The following GREB1L variants were observed in gnomAD, a reference collection of about 807,000 sequenced individuals.
GREB1L encodes GREB1-like protein.
In GREB1L, 17 loss-of-function variants were observed where a neutral mutation model predicts 200.8. The observed-to-expected ratio is 0.08, with a 90% CI of 0.06 to 0.13. The LOEUF is 0.13. Ranked by LOEUF, GREB1L falls within the 10% of genes least tolerant of loss-of-function variation. The pLI, the probability that GREB1L is intolerant of heterozygous loss-of-function variation, is 1.00. For synonymous variants in GREB1L, 789 were observed against 893.0 expected (o/e 0.88, Z 2.08); for missense variants, 1,657 against 2,367.7 (o/e 0.70, Z 6.23).
chr18:21,333,963 C>A (rs1221954083), intron 1 of GREB1L, among the ~76,000 whole-genome samples: 1 of 151,336 alleles, frequency 6.6e-6, no homozygotes, highest in Non-Finnish European at 1.5e-5. Context: ...GCCTTGGTGA[C>A]CGACTGACGA....
chr18:21,483,176 G>A (rs1340618034), intron 17 of GREB1L, among the ~76,000 whole-genome samples: 1 of 152,202 alleles, frequency 6.6e-6, no homozygotes, highest in Non-Finnish European at 1.5e-5. Context: ...ACAGGTGGAT[G>A]CAAGGCGGAT....
chr18:21,385,371 CT>C (rs60302271), intron 4 of GREB1L, among the ~76,000 whole-genome samples: 267 of 140,302 alleles, frequency 1.9e-3, no homozygotes, highest in Non-Finnish European at 2.0e-3. Flanking sequence ...TTTCTCTTGA[CT>C]TTTTTTTTTT....
At chr18:21,305,728 A>G (rs2038688525) in intron 1 of GREB1L, among the ~76,000 whole-genome samples, 1 of 152,136 alleles carries the variant, frequency 6.6e-6, no homozygotes, top group Non-Finnish European at 1.5e-5. Context: ...CAAAATCTAA[A>G]TTCTTTGCCC....
chr18:21,520,614 G>C, intron 31 of GREB1L, 74 bp from the exon 32 acceptor site: 1 of 1,457,360 alleles, frequency 6.9e-7, no homozygotes, highest in Non-Finnish European at 9.4e-7. Flanking sequence ...GGAAGGTACT[G>C]AGTCATTCTG....
chr18:21,393,173 G>C (rs1247935305), intron 4 of GREB1L, among the ~76,000 whole-genome samples: 1 of 152,180 alleles, frequency 6.6e-6, no homozygotes, highest in Non-Finnish European at 1.5e-5. Flanking sequence ...AACATGAATT[G>C]ATGCTAGGAG....
intron 17 of GREB1L, 59 bp downstream of exon 17, chr18:21,477,415 G>A: frequency 7.8e-7 from 1 of 1,290,010 alleles, no homozygotes; most frequent in Non-Finnish European, 1.0e-6. Context: ...AAGAGGGTAG[G>A]ACCTTGTAAC....
At chr18:21,396,842 AAG>A (rs1184737635) in intron 5 of GREB1L, among the ~76,000 whole-genome samples, 1 of 152,204 alleles carries the variant, frequency 6.6e-6, no homozygotes, top group East Asian at 1.9e-4. Flanking sequence ...TTAAAAAGAT[AAG>A]AGAGCACATG....
intron 15 of GREB1L, among the ~76,000 whole-genome samples, chr18:21,465,029 TAAGTAAA>T (rs2035212527): frequency 6.6e-6 from 1 of 151,770 alleles, no homozygotes; most frequent in Non-Finnish European, 1.5e-5. Context: ...CATGACATGT[TAAGTAAA>T]CATTATGGAA....
In GREB1L at chr18:21,401,182, A is replaced by G. The variant is rs1261507351; in HGVS notation, c.565A>G (p.Arg189Gly). The change falls in exon 6 of 33, where the codon AGA becomes GGA. Residue 189 changes from arginine to glycine, a missense_variant. Physicochemically the swap from Arg to Gly is moderately radical, Grantham distance 125. Transcript: ENST00000424526. Reference sequence around the variant, plus strand: ...TGGAAATTGTATCGGCTGTGGAGAAAGAGGATTTCGATATTTCACGGAATT... The same window carrying G: ...TGGAAATTGTATCGGCTGTGGAGAAGGAGGATTTCGATATTTCACGGAATT... Reference protein sequence around the residue: ...FSGNCIGCGERGFRYFTEFSN... With the variant: ...FSGNCIGCGEGGFRYFTEFSN... 45 of 1,551,516 alleles carry G rather than the reference A, an allele frequency of 2.9e-5. No individual in the cohort carries two copies. Among genetic ancestry groups the G allele is most frequent in the Non-Finnish European group, 3.8e-5 (44 of 1,146,952 alleles).
intron 1 of GREB1L, among the ~76,000 whole-genome samples, chr18:21,352,246 A>G (rs1025489995): frequency 1.3e-5 from 2 of 152,162 alleles, no homozygotes; most frequent in African/African-American, 4.8e-5. Flanking sequence ...AGTCTTTACT[A>G]TGCAAACATC....
chr18:21,407,672 T>G (rs546980374), intron 7 of GREB1L, among the ~76,000 whole-genome samples: 1 of 152,186 alleles, frequency 6.6e-6, no homozygotes, highest in South Asian at 2.1e-4. Context: ...TAAGGATTTG[T>G]TTTTGGAAAA....
At chr18:21,270,850 G>C (rs1346670432) in intron 1 of GREB1L, among the ~76,000 whole-genome samples, 1 of 152,138 alleles carries the variant, frequency 6.6e-6, no homozygotes, top group Admixed American at 6.5e-5. Flanking sequence ...ATTGAGCATT[G>C]TGTACTCAAC....
intron 7 of GREB1L, among the ~76,000 whole-genome samples, chr18:21,422,718 A>G (rs1415971821): frequency 2.0e-5 from 3 of 152,224 alleles, no homozygotes; most frequent in African/African-American, 7.2e-5. Context: ...TTGTTTTGAA[A>G]CAATGTAGCA....
At chr18:21,506,394 C>G (rs1009604934) in intron 25 of GREB1L, among the ~76,000 whole-genome samples, 1 of 107,026 alleles carries the variant, frequency 9.3e-6, no homozygotes, top group Non-Finnish European at 2.0e-5. Flanking sequence ...GACTCCGTCT[C>G]AAAAAAAAAA....
At chr18:21,423,112 G>T (rs1468172263) in intron 7 of GREB1L, among the ~76,000 whole-genome samples, 2 of 152,030 alleles carry the variant, frequency 1.3e-5, no homozygotes, top group Non-Finnish European at 2.9e-5. Flanking sequence ...TGTATTTTTA[G>T]TAGAGACGGG....
chr18:21,480,187 C>A (rs1447794624), intron 17 of GREB1L, among the ~76,000 whole-genome samples: 2 of 152,164 alleles, frequency 1.3e-5, no homozygotes, highest in Non-Finnish European at 2.9e-5. Context: ...CCCATCTCTA[C>A]TAAAAATACA....
At chr18:21,484,028 T>G (rs1458672796) in intron 17 of GREB1L, among the ~76,000 whole-genome samples, 3 of 151,362 alleles carry the variant, frequency 2.0e-5, no homozygotes, top group African/African-American at 4.9e-5. Context: ...TGTAGCCCAC[T>G]TCTAACCAAA....
intron 23 of GREB1L, among the ~76,000 whole-genome samples, chr18:21,502,108 C>T (rs557777502): frequency 4.6e-5 from 7 of 152,172 alleles, no homozygotes; most frequent in South Asian, 4.2e-4. Flanking sequence ...AAAAATTAGC[C>T]GGGGGTGATG....
chr18:21,331,090 A>G (rs2039100832), intron 1 of GREB1L, among the ~76,000 whole-genome samples: 1 of 152,230 alleles, frequency 6.6e-6, no homozygotes, highest in Admixed American at 6.5e-5. Context: ...GTGCCTTGTC[A>G]TTAGCAAACT....
Sources: gnomAD v4.1 joint callset for allele counts (sites outside exome capture counted in the v4.1 genomes callset) on GRCh38, gnomAD v4.1.1 for gene constraint, MANE v1.5 for transcripts, NCBI Gene and HGNC (gene_info 2026-07-23, HGNC 2026-07-21) for gene names.